Variants in ADK observed in about 807,000 individuals in gnomAD.
The protein encoded by ADK is adenosine kinase, also known as N6,N6-dimethyladenosine kinase.
ADK carries 24 observed loss-of-function variants against 44.7 expected under a neutral mutation model. That is an observed-to-expected ratio of 0.54 (90% confidence interval 0.39 to 0.76). The LOEUF (loss-of-function observed/expected upper bound fraction) is 0.76, where lower values mean the gene tolerates loss of function less well. Among genes scored for constraint, ADK ranks in the 30% least tolerant of loss-of-function variants. The pLI is 0.00. For synonymous variants in ADK, 128 were observed against 142.6 expected (o/e 0.90, Z 0.73); for missense variants, 321 against 425.1 (o/e 0.76, Z 2.15).
intron 9 of ADK, among the ~76,000 whole-genome samples, chr10:74,634,293 C>T (rs1409577246): frequency 6.6e-6 from 1 of 152,062 alleles, no homozygotes; most frequent in Non-Finnish European, 1.5e-5. Flanking sequence ...CGGCTCACTA[C>T]AAGCTCCGCC....
chr10:74,421,015 C>G (rs1844537529), intron 6 of ADK, among the ~76,000 whole-genome samples: 1 of 152,082 alleles, frequency 6.6e-6, no homozygotes, highest in South Asian at 2.1e-4. Context: ...AACTGTACAT[C>G]ACAAAGGGTT....
At chr10:74,600,536 T>A in intron 9 of ADK, 43 bp downstream of exon 9, 1 of 1,356,382 alleles carries the variant, frequency 7.4e-7, no homozygotes, top group Non-Finnish European at 1.0e-6. Flanking sequence ...TTATGGAGAT[T>A]AATCAATTAC....
chr10:74,224,401 AC>A (rs1844445280), intron 2 of ADK, 136 bp from the exon 3 acceptor site: 3 of 714,060 alleles, frequency 4.2e-6, no homozygotes, highest in Admixed American at 4.2e-5. Flanking sequence ...AAAACCGTCT[AC>A]TTGGGCATTC....
At position 74,348,959 on chromosome 10, in the gene ADK, G is replaced by A. The variant is rs191755513; in HGVS notation, c.273+34214G>A. 1.8e-3 allele frequency among the ~76,000 whole-genome samples: 279 copies of A among 152,184 alleles called. 2 individuals are homozygous for A. Among genetic ancestry groups the A allele is most frequent in the African/African-American group, 6.6e-3 (275 of 41,532 alleles). On this transcript the variant is annotated intron_variant, in intron 4 of 10. Transcript: ENST00000539909. ...TTGATTGGTGTACCTGAAAGTGACA[G>A]GGAGAATGGAACCAAGTTGGAAAAC...
intron 9 of ADK, among the ~76,000 whole-genome samples, chr10:74,632,044 G>A (rs1335004679): frequency 1.3e-5 from 2 of 151,160 alleles, no homozygotes; most frequent in East Asian, 3.9e-4. Context: ...TTCATAGGTT[G>A]TGCAACCGTG....
intron 1 of ADK, among the ~76,000 whole-genome samples, chr10:74,184,675 A>ATT (rs1381977116): frequency 6.6e-6 from 1 of 152,144 alleles, no homozygotes; most frequent in East Asian, 1.9e-4. Flanking sequence ...GGCATGAGCC[A>ATT]TTGTCCCCGG....
chr10:74,553,459 A>C (rs1218394014), intron 7 of ADK, among the ~76,000 whole-genome samples: 1 of 151,990 alleles, frequency 6.6e-6, no homozygotes, highest in Non-Finnish European at 1.5e-5. Flanking sequence ...TCGGCCTCCC[A>C]AAGTGCTGGG....
At chr10:74,694,211 A>C (rs1320959684) in intron 10 of ADK, among the ~76,000 whole-genome samples, 1 of 79,820 alleles carries the variant, frequency 1.3e-5, no homozygotes, top group African/African-American at 5.0e-5. Context: ...TACTTCTTGG[A>C]TCTGACTAAA....
In ADK at chr10:74,303,317, G is replaced by A. The variant is rs1038208746; in HGVS notation, c.195-11350G>A. 1.3e-4 allele frequency among the ~76,000 whole-genome samples: 19 copies of A among 151,712 alleles called. 1 individual carries two copies. The highest frequency in any genetic ancestry group is 5.9e-5 in the Non-Finnish European group (4 of 67,928). On this transcript the variant is annotated intron_variant, in intron 3 of 10. Coordinates refer to ENST00000539909, the MANE Select transcript of ADK (RefSeq NM_006721.4). ...CTTTTATGGAATATTTTGTCTTTTG[G>A]CACTTTGCATCTGGATTATAGTTCC...
intron 10 of ADK, among the ~76,000 whole-genome samples, chr10:74,684,683 G>A (rs1360512203): frequency 6.6e-6 from 1 of 152,084 alleles, no homozygotes; most frequent in East Asian, 1.9e-4. Flanking sequence ...AAAGTGGGAG[G>A]ATCGCTTGAG....
intron 3 of ADK, among the ~76,000 whole-genome samples, chr10:74,311,376 C>G (rs1198994106): frequency 2.0e-5 from 3 of 152,182 alleles, no homozygotes; most frequent in Non-Finnish European, 2.9e-5. Flanking sequence ...TATTTGAAGA[C>G]TTCTAATTTT....
At chr10:74,565,540 C>A (rs548657851) in intron 7 of ADK, among the ~76,000 whole-genome samples, 2 of 152,040 alleles carry the variant, frequency 1.3e-5, no homozygotes, top group East Asian at 3.9e-4. Flanking sequence ...CCATCCTGAC[C>A]AACATGGAGA....
At chr10:74,638,902 G>A (rs532154097) in intron 9 of ADK, among the ~76,000 whole-genome samples, 2 of 152,134 alleles carry the variant, frequency 1.3e-5, no homozygotes, top group South Asian at 4.2e-4. Flanking sequence ...CTTCCTCCCA[G>A]ACTCAAGTGA....
intron 6 of ADK, among the ~76,000 whole-genome samples, chr10:74,485,661 T>C (rs1847242004): frequency 6.6e-6 from 1 of 152,006 alleles, no homozygotes; most frequent in South Asian, 2.1e-4. Context: ...TTCCCTACTA[T>C]CCCCAGAAAA....
At chr10:74,478,221 GTATT>G (rs1295970281) in intron 6 of ADK, among the ~76,000 whole-genome samples, 1 of 152,074 alleles carries the variant, frequency 6.6e-6, no homozygotes, top group African/African-American at 2.4e-5. Flanking sequence ...TCTTAGAACT[GTATT>G]TATTTATTTC....
chr10:74,432,434 G>A lies in ADK; in HGVS notation c.555+33855G>A, dbSNP rs1418575782. ...CCTTGTATTGGCAATAGAAATAAAT[G>A]GTGATAGTATTTTTTTCATTTAGAT... On this transcript the variant is annotated intron_variant, in intron 6 of 10. Coordinates refer to ENST00000539909, the MANE Select transcript of ADK (RefSeq NM_006721.4). Among the ~76,000 whole-genome samples, 5 of 152,080 alleles carry A rather than the reference G, an allele frequency of 3.3e-5. No individual in the cohort carries two copies. In the East Asian group the frequency reaches 9.6e-4, roughly 29 times the overall value.
Position 74,402,688 on chromosome 10 carries a change from A to C in ADK, c.555+4109A>C, listed in dbSNP as rs113902935. Among the ~76,000 whole-genome samples the C allele has an allele frequency of 5.1e-3, 771 of 152,238 alleles. 12 individuals carry two copies. The highest frequency in any genetic ancestry group is 0.017 in the African/African-American group (719 of 41,542). ...TTTAGCTTCTTTTAGATGGGTTCGA[A>C]CATCCTCCTTTAGCTCGGAGAAGTT... On this transcript the variant is annotated intron_variant, in intron 6 of 10. Coordinates refer to ENST00000539909, the MANE Select transcript of ADK (RefSeq NM_006721.4).
At chr10:74,582,320 A>T (rs1851399458) in intron 7 of ADK, among the ~76,000 whole-genome samples, 1 of 152,110 alleles carries the variant, frequency 6.6e-6, no homozygotes, top group Non-Finnish European at 1.5e-5. Context: ...CAAAAAAAAA[A>T]TAAAAAATAA....
intron 4 of ADK, among the ~76,000 whole-genome samples, chr10:74,391,696 C>CACACACAT (rs1156748052): frequency 3.3e-4 from 49 of 150,250 alleles, no homozygotes; most frequent in African/African-American, 9.6e-4. Context: ...CACACACACA[C>CACACACAT]ATTCTCTTTT....
Sources: gnomAD v4.1 joint callset for allele counts (sites outside exome capture counted in the v4.1 genomes callset) on GRCh38, gnomAD v4.1.1 for gene constraint, MANE v1.5 for transcripts, NCBI Gene and HGNC (gene_info 2026-07-23, HGNC 2026-07-21) for gene names.